The following ABCA13 variants were observed in gnomAD, a reference collection of about 807,000 sequenced individuals.
ABCA13 encodes the protein ATP binding cassette subfamily A member 13, also known as ATP-binding cassette sub-family A member 13.
ABCA13 carries 476 observed loss-of-function variants against 478.7 expected under a neutral mutation model. The ratio of observed to expected loss-of-function variants is 0.99; its 90% confidence interval spans 0.92 to 1.07. The LOEUF (loss-of-function observed/expected upper bound fraction) is 1.07. Ranked by LOEUF, ABCA13 falls within the 50% of genes least tolerant of loss-of-function variation. The pLI, the probability that ABCA13 is intolerant of heterozygous loss-of-function variation, is 0.00. For missense variants in ABCA13, 6,060 were observed against 5,910.6 expected (o/e 1.03, Z -0.83); for synonymous variants, 2,252 against 2,158.9 (o/e 1.04, Z -1.20).
At chr7:48,441,958 A>G (rs530160725) in intron 42 of ABCA13, among the ~76,000 whole-genome samples, 16 of 152,364 alleles carry the variant, frequency 1.1e-4, no homozygotes, top group African/African-American at 3.8e-4. Context: ...CTGTGTGCTA[A>G]ATGTTGGAGG....
At chr7:48,276,619 A>T in intron 17 of ABCA13, 54 bp downstream of exon 17, 1 of 1,446,590 alleles carries the variant, frequency 6.9e-7, no homozygotes, top group Non-Finnish European at 9.6e-7. Context: ...ATCTCAAACT[A>T]CTTTATTTTC....
intron 46 of ABCA13, 61 bp from the exon 47 acceptor site, chr7:48,483,015 T>A: frequency 2.1e-6 from 3 of 1,401,984 alleles, no homozygotes; most frequent in South Asian, 2.5e-5. Flanking sequence ...ATGAATACCC[T>A]CTGATTAGAA....
intron 58 of ABCA13, among the ~76,000 whole-genome samples, chr7:48,597,151 C>T (rs1371394355): frequency 1.3e-5 from 2 of 152,032 alleles, no homozygotes; most frequent in Non-Finnish European, 2.9e-5. Context: ...GGGGTTTCAC[C>T]GTGTTAGCCA....
intron 55 of ABCA13, among the ~76,000 whole-genome samples, chr7:48,548,313 G>C (rs1054952123): frequency 6.6e-6 from 1 of 151,742 alleles, no homozygotes; most frequent in African/African-American, 2.4e-5. Context: ...AAGTCCCCTG[G>C]CGGAGAAATG....
intron 27 of ABCA13, among the ~76,000 whole-genome samples, chr7:48,324,657 C>T (rs180991083): frequency 2.8e-4 from 42 of 152,298 alleles, no homozygotes; most frequent in Middle Eastern, 6.8e-3. Context: ...CGTAGGACTG[C>T]ATACTAAAAA....
intron 29 of ABCA13, among the ~76,000 whole-genome samples, chr7:48,345,832 C>A (rs1049390978): frequency 3.3e-5 from 5 of 152,176 alleles, no homozygotes; most frequent in African/African-American, 1.2e-4. Flanking sequence ...TCACTCACTG[C>A]TCACTGCCTC....
rs577782817 is a variant in ABCA13, at chr7:48,386,344, T to C, written c.11336-1478T>C. The stretch of plus-strand genomic sequence containing the variant: ...GTTTGTAGATTCATTGCTATTCTCA[T>C]TAAACTACCATTGATATTCTTCACA... On this transcript the variant is annotated intron_variant, in intron 35 of 61. Transcript: ENST00000435803. 5.3e-5 allele frequency among the ~76,000 whole-genome samples: 8 copies of C among 152,340 alleles called. No individual in the cohort carries two copies. In the South Asian group the frequency reaches 1.5e-3, roughly 28 times the overall value.
chr7:48,232,779 T>A (rs1215112227), intron 7 of ABCA13, among the ~76,000 whole-genome samples: 1 of 152,238 alleles, frequency 6.6e-6, no homozygotes, highest in Non-Finnish European at 1.5e-5. Flanking sequence ...TTTCTGGAAC[T>A]CTGTGAGTAA....
intron 1 of ABCA13, among the ~76,000 whole-genome samples, chr7:48,173,673 A>G (rs1408562787): frequency 1.3e-5 from 2 of 152,250 alleles, no homozygotes; most frequent in Non-Finnish European, 2.9e-5. Flanking sequence ...TAGAAACAAC[A>G]CAAGTGGTTC....
At chr7:48,538,100 CTTTTT>C (rs574241927) in intron 55 of ABCA13, among the ~76,000 whole-genome samples, 3 of 113,414 alleles carry the variant, frequency 2.6e-5, no homozygotes, top group Non-Finnish European at 3.5e-5. Context: ...TCTTTCTTTC[CTTTTT>C]TTTTTTTTTT....
At position 48,527,735 on chromosome 7, in the gene ABCA13, A is replaced by G. The variant is rs190245209; in HGVS notation, c.14245-501A>G. ...AGGAATTTACAGGCTCTTCAATGGA[A>G]AAAGAAGATATATAAGAAAGCTGTG... On this transcript the variant is annotated intron_variant, in intron 54 of 61. Coordinates refer to ENST00000435803, the MANE Select transcript of ABCA13 (RefSeq NM_152701.5). 1.3e-3 allele frequency among the ~76,000 whole-genome samples: 196 copies of G among 152,276 alleles called. 1 individual carries two copies. The South Asian group carries it at 0.018, about 14-fold the overall frequency.
intron 16 of ABCA13, among the ~76,000 whole-genome samples, chr7:48,270,731 T>C (rs1795486404): frequency 6.6e-6 from 1 of 152,178 alleles, no homozygotes; most frequent in African/African-American, 2.4e-5. Flanking sequence ...TTGCCTTTGA[T>C]AGGTCTTATG....
chr7:48,516,179 A>G (rs544067433), intron 51 of ABCA13, among the ~76,000 whole-genome samples: 4 of 152,308 alleles, frequency 2.6e-5, no homozygotes, highest in African/African-American at 9.6e-5. Context: ...CCTTATCTGC[A>G]TTTTTGCTTT....
intron 31 of ABCA13, among the ~76,000 whole-genome samples, chr7:48,364,458 A>G (rs1341750000): frequency 6.6e-6 from 1 of 152,174 alleles, no homozygotes; most frequent in Non-Finnish European, 1.5e-5. Context: ...TTTGAAATAT[A>G]CAAGTTATTG....
At chr7:48,605,805 G>A (rs1044768374) in intron 58 of ABCA13, among the ~76,000 whole-genome samples, 3 of 152,146 alleles carry the variant, frequency 2.0e-5, no homozygotes, top group Non-Finnish European at 2.9e-5. Flanking sequence ...CCTGAAGAGT[G>A]TTTTCCAACT....
intron 23 of ABCA13, 97 bp downstream of exon 23, chr7:48,298,584 C>T: frequency 7.0e-7 from 1 of 1,422,302 alleles, no homozygotes; most frequent in Non-Finnish European, 9.4e-7. Flanking sequence ...TCTTGCCTTC[C>T]TCTCCTTTGG....
At chr7:48,205,840 T>G (rs763631075) in intron 3 of ABCA13, among the ~76,000 whole-genome samples, 7 of 152,258 alleles carry the variant, frequency 4.6e-5, no homozygotes, top group Non-Finnish European at 1.0e-4. Flanking sequence ...TACTTATCAT[T>G]GCTTGTGTAA....
chr7:48,392,806 G>A (rs935274313), intron 38 of ABCA13, among the ~76,000 whole-genome samples: 1 of 152,186 alleles, frequency 6.6e-6, no homozygotes, highest in Non-Finnish European at 1.5e-5. Flanking sequence ...GGCCAGGAAG[G>A]CCTGTATTTG....
At chr7:48,426,572 G>A (rs1266178444) in intron 41 of ABCA13, among the ~76,000 whole-genome samples, 1 of 152,188 alleles carries the variant, frequency 6.6e-6, no homozygotes, top group African/African-American at 2.4e-5. Context: ...GCATTGGGTG[G>A]GAGGTACCAG....
Sources: gnomAD v4.1 joint callset for allele counts (sites outside exome capture counted in the v4.1 genomes callset) on GRCh38, gnomAD v4.1.1 for gene constraint, MANE v1.5 for transcripts, NCBI Gene and HGNC (gene_info 2026-07-23, HGNC 2026-07-21) for gene names.